The following SLC12A2 variants were observed in gnomAD, a reference collection of about 807,000 sequenced individuals.
SLC12A2 encodes Na-K-2Cl cotransporter 1.
In SLC12A2, 67 loss-of-function variants were observed where a neutral mutation model predicts 136.3. The ratio of observed to expected loss-of-function variants is 0.49; its 90% CI spans 0.40 to 0.60. The LOEUF (loss-of-function observed/expected upper bound fraction) is 0.60, where lower values mean the gene tolerates loss of function less well. Among genes scored for constraint, SLC12A2 ranks in the 20% least tolerant of loss-of-function variants. The pLI, the probability that SLC12A2 is intolerant of heterozygous loss-of-function variation, is 0.00. For missense variants in SLC12A2, 1,322 were observed against 1,534.7 expected, an observed-to-expected ratio of 0.86 and a Z score of 2.32; for synonymous variants, 619 against 562.9, an observed-to-expected ratio of 1.10 and a Z score of -1.41.
rs1331628571 is a variant in SLC12A2, at chr5:128,114,769, AC to A, written c.1048+89del. On this transcript the variant is annotated intron_variant, in intron 4 of 26. Coordinates refer to ENST00000262461, the MANE Select transcript of SLC12A2 (RefSeq NM_001046.3). ...GTATTTTTAATTATTTTTTACTTTA[AC>A]TGAAGCAACATATTAAGTCTATATA... 3 of 816,996 alleles carry A rather than the reference AC, an allele frequency of 3.7e-6. No homozygotes were observed. The African/African-American group carries it at 5.2e-5, about 14-fold the overall frequency. 50.6% of individuals were successfully genotyped at this position (816,996 alleles called of 1,614,324 possible). A position where few individuals can be genotyped will look rare whatever the true frequency, so the allele number is the denominator to read the frequency against.
Position 128,174,544 on chromosome 5 carries a change from A to T in SLC12A2, c.2807A>T (p.Glu936Val), listed in dbSNP as rs1716956617. The T allele has an allele frequency of 6.2e-7, 1 of 1,602,024 alleles. No individual in the cohort carries two copies. The highest frequency in any genetic ancestry group is 8.5e-7 in the Non-Finnish European group (1 of 1,173,052). ...TTAAATAATTTTCTGTCTACAGAAG[A>T]ATTATTGTCATCACAAGAGAAATCT... ...LDISHLQGQE[E>V]LLSSQEKSPG... is the part of the protein sequence containing the mutation. Residue 936 changes from glutamate to valine, a missense_variant, in exon 20 of 27, where the codon GAA becomes GTA. This residue lies in a region of SLC12A2 where 226 missense variants were observed against 210.4 expected (regional missense o/e 1.07). Transcript: ENST00000262461.
At chr5:128,156,435 C>T (rs1322828373) in intron 15 of SLC12A2, among the ~76,000 whole-genome samples, 2 of 152,162 alleles carry the variant, frequency 1.3e-5, no homozygotes, top group African/African-American at 2.4e-5. Flanking sequence ...CACTCTGCTG[C>T]TGTTACTCAA....
chr5:128,097,629 C>T (rs1200324099), intron 1 of SLC12A2, among the ~76,000 whole-genome samples: 1 of 151,812 alleles, frequency 6.6e-6, no homozygotes, highest in East Asian at 1.9e-4. Flanking sequence ...TTAGTGGTTA[C>T]TTTGAATATC....
intron 23 of SLC12A2, among the ~76,000 whole-genome samples, chr5:128,181,945 C>T (rs376261092): frequency 2.7e-5 from 4 of 146,588 alleles, no homozygotes; most frequent in Non-Finnish European, 6.0e-5. Flanking sequence ...ACTTACCCCC[C>T]CATCTAGTTG....
intron 1 of SLC12A2, among the ~76,000 whole-genome samples, chr5:128,096,133 C>T (rs1043228388): frequency 6.6e-6 from 1 of 152,018 alleles, no homozygotes; most frequent in African/African-American, 2.4e-5. Flanking sequence ...CTAGTATCAA[C>T]TTGTAAGTGG....
intron 15 of SLC12A2, among the ~76,000 whole-genome samples, chr5:128,156,861 C>T (rs2126729061): frequency 6.6e-6 from 1 of 152,208 alleles, no homozygotes; most frequent in African/African-American, 2.4e-5. Flanking sequence ...AAAGGACACG[C>T]CCTGGAAATA....
At chr5:128,119,058 A>G (rs184765135) in intron 4 of SLC12A2, among the ~76,000 whole-genome samples, 22 of 152,320 alleles carry the variant, frequency 1.4e-4, no homozygotes, top group Admixed American at 1.2e-3. Context: ...ACTATAAACT[A>G]TACTTCTTGG....
intron 1 of SLC12A2, among the ~76,000 whole-genome samples, chr5:128,090,369 C>T (rs1480307444): frequency 6.6e-6 from 1 of 152,014 alleles, no homozygotes. Flanking sequence ...AATAGAGTTT[C>T]TTGGTTCTTA....
intron 4 of SLC12A2, among the ~76,000 whole-genome samples, chr5:128,127,134 T>TG (rs1761841987): frequency 7.4e-6 from 1 of 134,674 alleles, no homozygotes. Flanking sequence ...TTTTTTTTTT[T>TG]TTTTTGAGAT....
intron 7 of SLC12A2, among the ~76,000 whole-genome samples, chr5:128,136,306 CGTAA>C (rs796478646): frequency 1.3e-5 from 2 of 152,196 alleles, no homozygotes; most frequent in African/African-American, 4.8e-5. Flanking sequence ...TTGTCAGGAA[CGTAA>C]GTGAACCGTG....
intron 1 of SLC12A2, among the ~76,000 whole-genome samples, chr5:128,102,596 CTTTTTTTTT>C (rs70997362): frequency 7.4e-5 from 3 of 40,450 alleles, no homozygotes; most frequent in Admixed American, 3.1e-4. Flanking sequence ...CCCCCCCCGC[CTTTTTTTTT>C]TTTTTTTTTT....
chr5:128,135,332 A>G (rs1352858232), intron 6 of SLC12A2, among the ~76,000 whole-genome samples: 4 of 152,066 alleles, frequency 2.6e-5, no homozygotes, highest in African/African-American at 7.2e-5. Flanking sequence ...TCTCCATGTC[A>G]AGATGGTAGT....
At position 128,151,271 on chromosome 5, in the gene SLC12A2, T is replaced by C; in HGVS notation, c.2138T>C (p.Met713Thr). Reference protein sequence around the residue: ...GWRPAFKYYNMWISLLGAILC... With the variant: ...GWRPAFKYYNTWISLLGAILC... ...CGTCCTGCATTCAAATACTACAACATGTGGATATCACTTCTTGGAGCAATT... is the reference window on the plus strand; with the variant it reads ...CGTCCTGCATTCAAATACTACAACACGTGGATATCACTTCTTGGAGCAATT... Residue 713 changes from methionine to threonine, a missense_variant, in exon 14 of 27, where the codon ATG (methionine) becomes ACG (threonine). Met to Thr is a moderately conservative substitution (Grantham distance 81, BLOSUM62 -1). Coordinates refer to ENST00000262461, the MANE Select transcript of SLC12A2 (RefSeq NM_001046.3). 1 of 1,608,132 alleles carries C rather than the reference T, an allele frequency of 6.2e-7. No individual in the cohort carries two copies. The highest frequency in any genetic ancestry group is 8.5e-7 in the Non-Finnish European group (1 of 1,178,244).
chr5:128,144,619 A>G (rs932276425), intron 10 of SLC12A2, among the ~76,000 whole-genome samples: 1 of 152,204 alleles, frequency 6.6e-6, no homozygotes, highest in African/African-American at 2.4e-5. Context: ...TAAATCAGTC[A>G]GAGCCCTTCA....
At chr5:128,094,129 A>T (rs1760436539) in intron 1 of SLC12A2, among the ~76,000 whole-genome samples, 1 of 151,694 alleles carries the variant, frequency 6.6e-6, no homozygotes, top group South Asian at 2.1e-4. Flanking sequence ...AGTTAGTGGT[A>T]GTATATCTAT....
At chr5:128,092,404 C>T (rs1225180330) in intron 1 of SLC12A2, among the ~76,000 whole-genome samples, 1 of 152,160 alleles carries the variant, frequency 6.6e-6, no homozygotes, top group East Asian at 1.9e-4. Context: ...CTTCACAGAG[C>T]ATGTCTGGAC....
At chr5:128,105,358 A>G in intron 1 of SLC12A2, among the ~76,000 whole-genome samples, 1 of 152,200 alleles carries the variant, frequency 6.6e-6, no homozygotes, top group Non-Finnish European at 1.5e-5. Context: ...TATAGGACCA[A>G]GTGCTAAAGG....
At chr5:128,175,583 A>C (rs894203030) in intron 20 of SLC12A2, among the ~76,000 whole-genome samples, 1 of 151,884 alleles carries the variant, frequency 6.6e-6, no homozygotes, top group Admixed American at 6.6e-5. Flanking sequence ...GTGAAGTTTA[A>C]TGGGAGGGTA....
Position 128,186,354 on chromosome 5 carries a change from C to T in SLC12A2, c.3504-142C>T, listed in dbSNP as rs1459883906. 1.2e-5 allele frequency: 10 copies of T among 839,706 alleles called. No individual in the cohort carries two copies. The African/African-American group carries it at 1.5e-4, about 13-fold the overall frequency. The allele number at this position is 839,706 out of a possible 1,614,324, so 52.0% of individuals were successfully genotyped here. On this transcript the variant is annotated intron_variant, in intron 26 of 26. Coordinates refer to ENST00000262461, the MANE Select transcript of SLC12A2 (RefSeq NM_001046.3). ...TGGTTGTTATTCTATTTGCAGAATT[C>T]TCCTGCACTCAGAAATATTCTGTAA...
Sources: allele counts gnomAD v4.1 joint callset (sites outside exome capture counted in the v4.1 genomes callset), GRCh38; gene constraint gnomAD v4.1.1; regional missense constraint gnomAD v4.1.1; transcripts MANE v1.5; gene names NCBI Gene and HGNC (gene_info 2026-07-23, HGNC 2026-07-21).